CAP2: variants seen among roughly 807,000 people sequenced by gnomAD.
The protein encoded by CAP2 is cyclase associated actin cytoskeleton regulatory protein 2.
CAP2 carries 24 observed loss-of-function variants against 57.7 expected under a neutral mutation model. That is an observed-to-expected ratio of 0.42 (90% CI 0.30 to 0.58). CAP2 has a LOEUF of 0.58. Ranked by LOEUF, CAP2 falls within the 20% of genes least tolerant of loss-of-function variation. The probability of loss-of-function intolerance (pLI) is 0.22; values close to 1 mark genes in which losing one functional copy is unlikely to be tolerated. For missense variants in CAP2, 501 were observed against 590.3 expected, an observed-to-expected ratio of 0.85 and a Z score of 1.57; for synonymous variants, 194 against 207.2, an observed-to-expected ratio of 0.94 and a Z score of 0.55.
Position 17,537,531 on chromosome 6 carries a change from A to T in CAP2, c.637-1738A>T, listed in dbSNP as rs148592828. 5.5e-4 allele frequency among the ~76,000 whole-genome samples: 83 copies of T among 151,910 alleles called. No individual in the cohort carries two copies. The East Asian group carries it at 9.6e-3, about 18-fold the overall frequency. On this transcript the variant is annotated intron_variant, in intron 7 of 12. Transcript: ENST00000229922. Reference sequence around the variant, plus strand: ...TGTTTTGTTTTGTTTTTAACTGAAAACTACTACAGATTAAGAATCGCTGAT... The same window carrying T: ...TGTTTTGTTTTGTTTTTAACTGAAATCTACTACAGATTAAGAATCGCTGAT...
intron 7 of CAP2, among the ~76,000 whole-genome samples, chr6:17,529,195 GTCT>G (rs1762578408): frequency 6.6e-6 from 1 of 152,274 alleles, no homozygotes; most frequent in South Asian, 2.1e-4. Flanking sequence ...GACTATAGTT[GTCT>G]TCTAATAAAA....
intron 6 of CAP2, among the ~76,000 whole-genome samples, chr6:17,510,702 A>T (rs551248844): frequency 6.6e-6 from 1 of 152,338 alleles, no homozygotes; most frequent in South Asian, 2.1e-4. Context: ...AGCAAGTTTC[A>T]ATTCCCAAAC....
intron 3 of CAP2, among the ~76,000 whole-genome samples, chr6:17,438,264 G>A (rs185714342): frequency 2.6e-5 from 4 of 150,946 alleles, no homozygotes; most frequent in Non-Finnish European, 5.9e-5. Context: ...TACTCGGGAG[G>A]CTGAGGCAGG....
intron 7 of CAP2, among the ~76,000 whole-genome samples, chr6:17,538,129 T>C (rs556512162): frequency 1.3e-5 from 2 of 152,164 alleles, no homozygotes; most frequent in East Asian, 3.9e-4. Flanking sequence ...GTTTCTATCC[T>C]ACCAGTTTTA....
chr6:17,463,134 A>C (rs1760772540), intron 4 of CAP2, 61 bp downstream of exon 4: 10 of 1,201,592 alleles, frequency 8.3e-6, no homozygotes, highest in Non-Finnish European at 1.2e-5. Flanking sequence ...GATGGAAAAC[A>C]AGGAGGCAAC....
At chr6:17,530,812 C>T in intron 7 of CAP2, 1 of 607,364 alleles carries the variant, frequency 1.6e-6, no homozygotes. Context: ...TTTTTTTGGT[C>T]TCCCACTTTT....
At chr6:17,507,795 G>A (rs1304744810) in intron 6 of CAP2, 69 bp downstream of exon 6, 2 of 862,010 alleles carry the variant, frequency 2.3e-6, no homozygotes, top group African/African-American at 3.3e-5. Context: ...CTAAAACTCA[G>A]TCCAGTTAAC....
intron 4 of CAP2, among the ~76,000 whole-genome samples, chr6:17,485,940 A>G (rs1761407750): frequency 6.6e-6 from 1 of 152,214 alleles, no homozygotes; most frequent in Non-Finnish European, 1.5e-5. Context: ...ACAGCACTAT[A>G]ACTCTCAAAG....
intron 8 of CAP2, among the ~76,000 whole-genome samples, chr6:17,540,147 ATT>A (rs932973793): frequency 1.3e-5 from 2 of 152,214 alleles, no homozygotes; most frequent in African/African-American, 4.8e-5. Flanking sequence ...TTGTCAAAGA[ATT>A]ATATCCCACT....
At chr6:17,436,600 C>A (rs1221667996) in intron 3 of CAP2, among the ~76,000 whole-genome samples, 1 of 152,168 alleles carries the variant, frequency 6.6e-6, no homozygotes, top group African/African-American at 2.4e-5. Context: ...TCAGAACCTT[C>A]CGCAGAGAGA....
intron 1 of CAP2, among the ~76,000 whole-genome samples, chr6:17,415,400 G>A (rs1421260295): frequency 6.6e-6 from 1 of 152,246 alleles, no homozygotes; most frequent in South Asian, 2.1e-4. Flanking sequence ...GAGGGAGCAA[G>A]TGTGCTCTTT....
chr6:17,548,086 GGCCGAGCGTGGTGGC>G (rs1169737945), intron 11 of CAP2, among the ~76,000 whole-genome samples: 2 of 151,896 alleles, frequency 1.3e-5, no homozygotes, highest in African/African-American at 4.8e-5. Flanking sequence ...ATGCAATAGA[GGCCGAGCGTGGTGGC>G]TCATGCCTGT....
chr6:17,476,026 C>G (rs1018192911), intron 4 of CAP2, among the ~76,000 whole-genome samples: 7 of 152,164 alleles, frequency 4.6e-5, no homozygotes, highest in Admixed American at 4.6e-4. Flanking sequence ...CAGGATTCCT[C>G]TTGGATAGTC....
chr6:17,547,407 A>T (rs1007634196), intron 11 of CAP2, among the ~76,000 whole-genome samples: 17 of 152,152 alleles, frequency 1.1e-4, no homozygotes, highest in Non-Finnish European at 1.6e-4. Flanking sequence ...CAGAAATCAC[A>T]CTTCATTTGA....
chr6:17,451,230 CCA>C (rs1760393714), intron 3 of CAP2, among the ~76,000 whole-genome samples: 1 of 92,818 alleles, frequency 1.1e-5, no homozygotes, highest in African/African-American at 5.2e-5. Context: ...AATCTTCTAT[CCA>C]AAAAAAAAAA....
intron 3 of CAP2, among the ~76,000 whole-genome samples, chr6:17,433,228 A>C (rs1421365563): frequency 1.3e-5 from 2 of 152,196 alleles, no homozygotes; most frequent in Non-Finnish European, 2.9e-5. Flanking sequence ...CATGAGAAGC[A>C]AACAGAAGGA....
intron 3 of CAP2, among the ~76,000 whole-genome samples, chr6:17,454,475 C>T (rs747229925): frequency 6.6e-6 from 1 of 152,226 alleles, no homozygotes; most frequent in Non-Finnish European, 1.5e-5. Context: ...AGCCTCTGCT[C>T]CCAAACACCA....
chr6:17,550,394 C>CTT (rs10557884), intron 11 of CAP2, among the ~76,000 whole-genome samples: 1,460 of 52,062 alleles, frequency 0.028, 403 homozygotes, highest in African/African-American at 0.044. Context: ...CTACCCCTGC[C>CTT]TTTTTTTTTT....
intron 3 of CAP2, among the ~76,000 whole-genome samples, chr6:17,441,043 T>C (rs1435178768): frequency 1.3e-5 from 2 of 151,624 alleles, no homozygotes; most frequent in East Asian, 3.9e-4. Context: ...GTGTCTCCCA[T>C]TTTTAAGCAA....
Sources: gnomAD v4.1 joint callset for allele counts (sites outside exome capture counted in the v4.1 genomes callset) on GRCh38, gnomAD v4.1.1 for gene constraint, MANE v1.5 for transcripts, NCBI Gene and HGNC (gene_info 2026-07-23, HGNC 2026-07-21) for gene names.